Variants in DDHD1 observed in about 807,000 individuals in gnomAD.
DDHD1 encodes the protein DDHD domain containing 1.
Under a neutral mutation model 96.4 loss-of-function variants are expected in DDHD1, and 49 were observed. The ratio of observed to expected loss-of-function variants is 0.51; its 90% CI spans 0.40 to 0.64. DDHD1 has a LOEUF of 0.64. Ranked by LOEUF, DDHD1 falls within the 30% of genes least tolerant of loss-of-function variation. The pLI is 0.00. For synonymous variants in DDHD1, 442 were observed against 446.5 expected (o/e 0.99, Z 0.13); for missense variants, 1,106 against 1,161.2 (o/e 0.95, Z 0.69).
intron 6 of DDHD1, among the ~76,000 whole-genome samples, chr14:53,066,059 T>C (rs4901339): frequency 0.74 from 112,498 of 152,154 alleles, 44,196 homozygotes; most frequent in East Asian, 0.98. Flanking sequence ...TATCAGTACA[T>C]ATTTTATCCC....
Position 53,061,139 on chromosome 14 carries a change from G to T in DDHD1, c.1829C>A (p.Ala610Asp). The T allele has an allele frequency of 6.2e-7, 1 of 1,608,096 alleles. No homozygotes were observed. Among genetic ancestry groups the T allele is most frequent in the Non-Finnish European group, 8.5e-7 (1 of 1,178,550 alleles). The change falls in exon 8 of 13, where the codon GCC (alanine) becomes GAC (aspartate). Residue 610 changes from alanine (A) to aspartate (D), a missense_variant. Around this residue, in one of 2 missense-constraint regions of DDHD1, gnomAD observed 650 missense variants for 758.8 expected, o/e 0.86. Transcript: ENST00000673822. ...CTCTTTCCTTACCTTAAATTTTAAG[G>T]CAGGTGTTTGTGTCATAGATGATGC... ...LKASSMTQTP[A>D]LKFKVENFFC...
intron 1 of DDHD1, among the ~76,000 whole-genome samples, chr14:53,113,905 G>C (rs1290876763): frequency 6.6e-6 from 1 of 152,176 alleles, no homozygotes. Flanking sequence ...GCTGAAGCCA[G>C]GGAGCCAAGT....
At chr14:53,123,612 A>C (rs1473294748) in intron 1 of DDHD1, among the ~76,000 whole-genome samples, 1 of 152,230 alleles carries the variant, frequency 6.6e-6, no homozygotes, top group East Asian at 1.9e-4. Context: ...AGTATGGTTA[A>C]ATCTTGAAAA....
intron 6 of DDHD1, among the ~76,000 whole-genome samples, chr14:53,065,921 A>T (rs1028345415): frequency 6.6e-6 from 1 of 152,244 alleles, no homozygotes; most frequent in Non-Finnish European, 1.5e-5. Context: ...GAATAAGTCT[A>T]TTAAAAATAT....
chr14:53,076,577 A>G (rs1884978572), intron 4 of DDHD1, among the ~76,000 whole-genome samples: 1 of 152,166 alleles, frequency 6.6e-6, no homozygotes, highest in Non-Finnish European at 1.5e-5. Context: ...GTTTGACAGG[A>G]TTGATTCAAA....
At chr14:53,128,087 C>G (rs1406193093) in intron 1 of DDHD1, among the ~76,000 whole-genome samples, 1 of 152,212 alleles carries the variant, frequency 6.6e-6, no homozygotes, top group Non-Finnish European at 1.5e-5. Flanking sequence ...CTATATTTCT[C>G]TCTCCTCCTA....
intron 4 of DDHD1, among the ~76,000 whole-genome samples, chr14:53,086,095 A>T (rs975381019): frequency 6.6e-6 from 1 of 152,178 alleles, no homozygotes; most frequent in African/African-American, 2.4e-5. Flanking sequence ...AAGAGAAGTT[A>T]AGAGAAAAAA....
chr14:53,096,159 CCTT>C, intron 2 of DDHD1: 1 of 985,218 alleles, frequency 1.0e-6, no homozygotes, highest in Non-Finnish European at 1.2e-6. Context: ...TCTGTACTCT[CCTT>C]ATATCTTCTC....
Position 53,094,207 on chromosome 14 carries a change from A to G in DDHD1, c.1013-763T>C, listed in dbSNP as rs543548733. 2.6e-4 allele frequency among the ~76,000 whole-genome samples: 39 copies of G among 152,172 alleles called. No individual in the cohort carries two copies. In the South Asian group the frequency reaches 6.4e-3, roughly 25 times the overall value. On this transcript the variant is annotated intron_variant, in intron 2 of 12. Transcript: ENST00000673822. ...AAAAAAGAAAAAAATTTCACTAAGTACTAGACAAAATAAGACTCAGAGGGG... is the reference window on the plus strand; with the variant it reads ...AAAAAAGAAAAAAATTTCACTAAGTGCTAGACAAAATAAGACTCAGAGGGG...
chr14:53,041,910 A>C lies in DDHD1; in HGVS notation c.*4858T>G, dbSNP rs1268983084. ...TGTGTGGAGGGGAGGTTGGGGGACA[A>C]AAACAAAGAGAGGCAGTTTCTGCCC... On this transcript the variant is annotated 3_prime_UTR_variant, in exon 13 of 13. Coordinates refer to ENST00000673822, the MANE Select transcript of DDHD1 (RefSeq NM_001160148.2). The C allele has an allele frequency of 6.6e-6, 1 of 152,188 alleles. No homozygotes were observed. The highest frequency in any genetic ancestry group is 1.5e-5 in the Non-Finnish European group (1 of 68,050). The allele number at this position is 152,188 out of a possible 1,614,324, so 9.4% of individuals were successfully genotyped here.
chr14:53,105,510 T>C (rs1421985907), intron 1 of DDHD1, among the ~76,000 whole-genome samples: 2 of 152,208 alleles, frequency 1.3e-5, no homozygotes, highest in African/African-American at 4.8e-5. Flanking sequence ...TATTATAACT[T>C]CATTGTGAAT....
At chr14:53,145,439 G>A (rs1890910350) in intron 1 of DDHD1, among the ~76,000 whole-genome samples, 1 of 147,268 alleles carries the variant, frequency 6.8e-6, no homozygotes, top group African/African-American at 2.5e-5. Context: ...GGAGGTCAAG[G>A]CTGCAGTGAA....
At chr14:53,052,287 G>A (rs1882659421) in intron 11 of DDHD1, among the ~76,000 whole-genome samples, 2 of 151,954 alleles carry the variant, frequency 1.3e-5, no homozygotes, top group African/African-American at 4.8e-5. Flanking sequence ...TGCTTCAACT[G>A]GATGAAAATA....
At position 53,091,909 on chromosome 14, in the gene DDHD1, G is replaced by C; in HGVS notation, c.1165C>G (p.His389Asp). ...SKASSSGTRL[H>D]RGYVEEATLE... ...GTGGCTTCTTCTACATAACCTCTAT[G>C]AAGTCTGGTACCACTACTTGATGCT... The change falls in exon 4 of 13, where the codon CAT becomes GAT. Residue 389 changes from histidine (H) to aspartate (D), a missense_variant. By Grantham distance (81) the His-to-Asp change is moderately conservative (BLOSUM62 -1). Coordinates refer to ENST00000673822, the MANE Select transcript of DDHD1 (RefSeq NM_001160148.2). 1 of 1,611,738 alleles carries C rather than the reference G, an allele frequency of 6.2e-7. No individual in the cohort carries two copies. Among genetic ancestry groups the C allele is most frequent in the Non-Finnish European group, 8.5e-7 (1 of 1,178,604 alleles).
intron 1 of DDHD1, among the ~76,000 whole-genome samples, chr14:53,107,255 G>A (rs948024362): frequency 2.0e-5 from 3 of 152,158 alleles, no homozygotes; most frequent in Admixed American, 6.5e-5. Flanking sequence ...TTATAACAAT[G>A]TGCTAGCATC....
intron 1 of DDHD1, among the ~76,000 whole-genome samples, chr14:53,134,597 TAAA>T (rs35451633): frequency 2.3e-5 from 3 of 128,008 alleles, no homozygotes; most frequent in Non-Finnish European, 3.3e-5. Context: ...TACTCACTGC[TAAA>T]AAAAAAAAAA....
At chr14:53,064,764 G>A (rs968951085) in intron 6 of DDHD1, among the ~76,000 whole-genome samples, 1 of 152,032 alleles carries the variant, frequency 6.6e-6, no homozygotes, top group African/African-American at 2.4e-5. Context: ...TATTGCTTAT[G>A]CATATATATG....
chr14:53,128,328 AACAATGGAAACTT>A (rs1232159677), intron 1 of DDHD1, among the ~76,000 whole-genome samples: 1 of 152,192 alleles, frequency 6.6e-6, no homozygotes, highest in Non-Finnish European at 1.5e-5. Context: ...GGTAGCTTTT[AACAATGGAAACTT>A]ATGTCTCACA....
At chr14:53,053,756 T>C (rs918420143) in intron 11 of DDHD1, 1 of 152,154 alleles carries the variant, frequency 6.6e-6, no homozygotes, top group African/African-American at 2.4e-5. Context: ...TTAGTTTTAT[T>C]TTACTAGACA....
Sources: allele counts gnomAD v4.1 joint callset (sites outside exome capture counted in the v4.1 genomes callset), GRCh38; gene constraint gnomAD v4.1.1; regional missense constraint gnomAD v4.1.1; transcripts MANE v1.5; gene names NCBI Gene and HGNC (gene_info 2026-07-23, HGNC 2026-07-21).